RUBCNL: variants seen among roughly 807,000 people sequenced by gnomAD.
The protein encoded by RUBCNL is rubicon like autophagy enhancer, also known as protein associated with UVRAG as autophagy enhancer.
RUBCNL carries 62 observed loss-of-function variants against 69.5 expected under a neutral mutation model. That is an observed-to-expected ratio of 0.89 (90% CI 0.73 to 1.10). The LOEUF is 1.10. Ranked by LOEUF, RUBCNL falls within the 50% of genes least tolerant of loss-of-function variation. The pLI is 0.00. For synonymous variants in RUBCNL, 291 were observed against 303.6 expected (o/e 0.96, Z 0.43); for missense variants, 768 against 798.1 (o/e 0.96, Z 0.45).
intron 2 of RUBCNL, among the ~76,000 whole-genome samples, chr13:46,377,189 G>A (rs572191237): frequency 1.3e-5 from 2 of 152,338 alleles, no homozygotes; most frequent in South Asian, 4.1e-4. Context: ...GGGGGGAGAT[G>A]ACTATAGATG....
rs546540064 is a variant in RUBCNL, at chr13:46,352,546, T to C, written c.1331-2195A>G. 4.4e-3 allele frequency among the ~76,000 whole-genome samples: 664 copies of C among 150,912 alleles called. 6 individuals carry two copies. Among genetic ancestry groups the C allele is most frequent in the African/African-American group, 0.015 (624 of 41,084 alleles). The stretch of plus-strand genomic sequence containing the variant: ...CTGGCCGGGTGCGGTGGCTCACACC[T>C]GTAATCGCAGCACTTTGGGAGGCCG... On this transcript the variant is annotated intron_variant, in intron 10 of 14. Transcript: ENST00000429979.
chr13:46,372,624 A>G (rs1399334343), intron 2 of RUBCNL, 27 bp from the exon 3 acceptor site: 15 of 1,428,432 alleles, frequency 1.1e-5, no homozygotes, highest in African/African-American at 1.4e-5. Context: ...ATCATTCAAA[A>G]TAAGTAAGAA....
intron 2 of RUBCNL, 106 bp from the exon 3 acceptor site, chr13:46,372,703 G>T: frequency 9.7e-7 from 1 of 1,035,202 alleles, no homozygotes; most frequent in Non-Finnish European, 1.3e-6. Context: ...GTCTGTACTT[G>T]GCTCTATCCA....
At chr13:46,346,188 C>T (rs1594130371) in intron 12 of RUBCNL, among the ~76,000 whole-genome samples, 1 of 152,302 alleles carries the variant, frequency 6.6e-6, no homozygotes, top group South Asian at 2.1e-4. Flanking sequence ...CTCTCAATGG[C>T]TAGTAGAAGC....
intron 9 of RUBCNL, among the ~76,000 whole-genome samples, chr13:46,358,818 C>A (rs9567662): frequency 0.26 from 39,771 of 152,038 alleles, 5,906 homozygotes; most frequent in East Asian, 0.49. Context: ...CCTAGGCCTC[C>A]CAAAGTGCTG....
rs376183982 is a variant in RUBCNL, at chr13:46,350,105, C to T, written c.1569+8G>A. ...AATGAGAGGGATGGGGTTGGGGCTG[C>T]GGCTCACCTTCACTCTGTCCAGCTC... On this transcript the variant is annotated splice_region_variant and intron_variant, in intron 11 of 14. Coordinates refer to ENST00000429979, the MANE Select transcript of RUBCNL (RefSeq NM_025113.5). The T allele has an allele frequency of 1.0e-5, 16 of 1,539,610 alleles. No homozygotes were observed. The highest frequency in any genetic ancestry group is 2.7e-5 in the African/African-American group (2 of 73,124).
chr13:46,361,327 C>T, intron 8 of RUBCNL, 114 bp downstream of exon 8: 2 of 1,093,590 alleles, frequency 1.8e-6, no homozygotes, highest in South Asian at 3.2e-5. Context: ...CATTTTGAGT[C>T]TCCCCTAATA....
rs565242719 is a variant in RUBCNL, at chr13:46,368,491, T to G, written c.618+242A>C. 8.0e-5 allele frequency: 79 copies of G among 985,386 alleles called. 2 individuals are homozygous for G. The Admixed American group carries it at 4.1e-3, about 51-fold the overall frequency. The allele number at this position is 985,386 out of a possible 1,614,324, so 61.0% of individuals were successfully genotyped here. On this transcript the variant is annotated intron_variant, in intron 4 of 14. Coordinates refer to ENST00000429979, the MANE Select transcript of RUBCNL (RefSeq NM_025113.5). ...TTGGATTTCTTGTTATACAAAACCT[T>G]AGGTTGGGGGAAGCCTAATGCCAGA... is the stretch of plus-strand genomic sequence containing the variant.
At position 46,350,160 on chromosome 13, in the gene RUBCNL, T is replaced by C. The variant is rs1207690968; in HGVS notation, c.1522A>G (p.Ile508Val). 2.5e-6 allele frequency: 4 copies of C among 1,584,566 alleles called. No homozygotes were observed. The highest frequency in any genetic ancestry group is 1.8e-5 in the Admixed American group (1 of 55,642). The change falls in exon 11 of 15, where the codon ATC (isoleucine) becomes GTC (valine). Residue 508 changes from isoleucine to valine, a missense_variant. Transcript: ENST00000429979. ...GCTTTCGCATACAGGCTTTGGCCGA[T>C]GCTCAGCAAATTGAAAATGGGCTGG... ...WHQPIFNLLS[I>V]GQSLYAKAKE...
chr13:46,349,132 T>G (rs1388855859), intron 12 of RUBCNL, among the ~76,000 whole-genome samples, 154 bp downstream of exon 12: 1 of 152,188 alleles, frequency 6.6e-6, no homozygotes, highest in Admixed American at 6.5e-5. Flanking sequence ...ATTGGCTTAG[T>G]AATTCAAAGA....
chr13:46,355,638 T>C (rs538024694), intron 10 of RUBCNL, among the ~76,000 whole-genome samples: 1 of 152,298 alleles, frequency 6.6e-6, no homozygotes, highest in South Asian at 2.1e-4. Flanking sequence ...GGCCCAGGAA[T>C]GATCCTCTCA....
intron 11 of RUBCNL, 67 bp downstream of exon 11, chr13:46,350,046 G>A: frequency 8.3e-7 from 1 of 1,205,444 alleles, no homozygotes; most frequent in Non-Finnish European, 1.2e-6. Flanking sequence ...CCCCAAGCTA[G>A]TGTGATGTGC....
chr13:46,375,102 C>T (rs748545715), intron 2 of RUBCNL, among the ~76,000 whole-genome samples: 9 of 152,340 alleles, frequency 5.9e-5, no homozygotes, highest in Admixed American at 2.0e-4. Flanking sequence ...TCCCACCTAA[C>T]TGTAAGCTTC....
rs149726087 is a variant in RUBCNL at position 46,355,317 on chromosome 13, C to T, written c.1330+1115G>A. ...AGCTTTTTTTTTTTTTTTTTTGAGA[C>T]GGAGTCTCACTTTGTCATGCAGGCT... is the stretch of plus-strand genomic sequence containing the variant. On this transcript the variant is annotated intron_variant, in intron 10 of 14. Coordinates refer to ENST00000429979, the MANE Select transcript of RUBCNL (RefSeq NM_025113.5). Among the ~76,000 whole-genome samples the T allele has an allele frequency of 7.8e-3, 1,080 of 139,174 alleles. 19 individuals carry two copies. The highest frequency in any genetic ancestry group is 0.028 in the African/African-American group (1,022 of 37,008). The allele number at this position is 139,174 out of a possible 152,430, so 91.3% of individuals were successfully genotyped here.
intron 2 of RUBCNL, among the ~76,000 whole-genome samples, chr13:46,373,650 CT>C (rs2048927493): frequency 6.6e-6 from 1 of 152,234 alleles, no homozygotes; most frequent in African/African-American, 2.4e-5. Context: ...CTAAAAGCAA[CT>C]TTCAACAGCA....
intron 6 of RUBCNL, among the ~76,000 whole-genome samples, 153 bp downstream of exon 6, chr13:46,362,962 A>C (rs11843301): frequency 0.097 from 9,157 of 94,126 alleles, 524 homozygotes; most frequent in South Asian, 0.19. Flanking sequence ...ATATATATAT[A>C]TATATATATA....
intron 12 of RUBCNL, among the ~76,000 whole-genome samples, chr13:46,348,397 G>A (rs187012728): frequency 6.6e-6 from 1 of 152,252 alleles, no homozygotes; most frequent in East Asian, 1.9e-4. Flanking sequence ...ACTGGCTAGA[G>A]TTGTTCATCC....
chr13:46,362,923 C>CATATATATATATATAT lies in RUBCNL; in HGVS notation c.925+191_925+192insATATATATATATATAT, dbSNP rs770827606. On this transcript the variant is annotated intron_variant, in intron 6 of 14. Coordinates refer to ENST00000429979, the MANE Select transcript of RUBCNL (RefSeq NM_025113.5). ...ATCCAGACATTTGAAACAAGAACAT[C>CATATATATATATATAT]ATATATATATATATAGATATATATA... Among the ~76,000 whole-genome samples the CATATATATATATATAT allele has an allele frequency of 5.3e-4, 47 of 88,028 alleles. 6 individuals carry two copies. Among genetic ancestry groups the CATATATATATATATAT allele is most frequent in the East Asian group, 1.0e-3 (3 of 2,888 alleles). The allele number at this position is 88,028 out of a possible 152,430, so 57.7% of individuals were successfully genotyped here.
chr13:46,379,661 T>A (rs2049076568), intron 1 of RUBCNL, among the ~76,000 whole-genome samples: 1 of 152,086 alleles, frequency 6.6e-6, no homozygotes, highest in Non-Finnish European at 1.5e-5. Flanking sequence ...AAATCACAAA[T>A]AAATAAGAGT....
Sources: gnomAD v4.1 joint callset for allele counts (sites outside exome capture counted in the v4.1 genomes callset) on GRCh38, gnomAD v4.1.1 for gene constraint, MANE v1.5 for transcripts, NCBI Gene and HGNC (gene_info 2026-07-23, HGNC 2026-07-21) for gene names.